IRAK1BP1: variants seen among roughly 807,000 people sequenced by gnomAD.
IRAK1BP1 encodes interleukin-1 receptor-associated kinase 1-binding protein 1.
IRAK1BP1 carries 24 observed loss-of-function variants against 28.0 expected under a neutral mutation model. The ratio of observed to expected loss-of-function variants is 0.86; its 90% confidence interval spans 0.62 to 1.20. IRAK1BP1 has a LOEUF of 1.20. Ranked by LOEUF, IRAK1BP1 falls within the 50% of genes most tolerant of loss-of-function variation. The pLI is 0.00. For synonymous variants in IRAK1BP1, 131 were observed against 116.3 expected (o/e 1.13, Z -0.81); for missense variants, 336 against 316.7 (o/e 1.06, Z -0.46).
downstream of IRAK1BP1, among the ~76,000 whole-genome samples, chr6:78,903,328 CAA>C (rs199955033): frequency 1.5e-5 from 2 of 136,322 alleles, no homozygotes; most frequent in African/African-American, 2.7e-5. Context: ...ACTAAAAATA[CAA>C]AAAAAAAAAA....
At position 78,902,990 on chromosome 6, in the gene IRAK1BP1, A is replaced by G. The variant is rs1287327623; in HGVS notation, c.*4656A>G. ...TTTATCAGAAGGATATTTCTGTTTCAGCAACTCCTGGAATCCTTCTTCAAC... is the reference window on the plus strand; with the variant it reads ...TTTATCAGAAGGATATTTCTGTTTCGGCAACTCCTGGAATCCTTCTTCAAC... On this transcript the variant is annotated 3_prime_UTR_variant, in exon 4 of 4. Coordinates refer to ENST00000369940, the MANE Select transcript of IRAK1BP1 (RefSeq NM_001010844.4). The G allele has an allele frequency of 3.4e-6, 5 of 1,456,352 alleles. No individual in the cohort carries two copies. The highest frequency in any genetic ancestry group is 4.6e-6 in the Non-Finnish European group (5 of 1,075,340). 90.2% of individuals were successfully genotyped at this position (1,456,352 alleles called of 1,614,324 possible).
intron 1 of IRAK1BP1, among the ~76,000 whole-genome samples, chr6:78,880,174 A>G (rs891861912): frequency 4.6e-5 from 7 of 152,242 alleles, no homozygotes; most frequent in African/African-American, 1.2e-4. Context: ...ATGAGTTTTT[A>G]GATACAGAGG....
chr6:78,971,837 G>A, the IRAK1BP1 span, among the ~76,000 whole-genome samples: 405 of 150,444 alleles, frequency 2.7e-3, 3 homozygotes, highest in African/African-American at 5.5e-3. Context: ...AAAAAACGGC[G>A]CACCACGAAA....
chr6:78,932,699 G>T (rs950029080), intron 4 of IRAK1BP1, among the ~76,000 whole-genome samples: 1 of 152,028 alleles, frequency 6.6e-6, no homozygotes, highest in East Asian at 1.9e-4. Flanking sequence ...GATTACAGGC[G>T]TGAGCCACTG....
At chr6:78,968,758 T>A in the IRAK1BP1 span, among the ~76,000 whole-genome samples, 3 of 152,356 alleles carry the variant, frequency 2.0e-5, no homozygotes, top group South Asian at 6.2e-4. Flanking sequence ...ATTTTTTTAA[T>A]GCTTGGTTTT....
At chr6:78,959,285 T>C in the IRAK1BP1 span, among the ~76,000 whole-genome samples, 2 of 152,126 alleles carry the variant, frequency 1.3e-5, no homozygotes, top group Admixed American at 6.6e-5. Context: ...TAGAAAATCT[T>C]ACTGATTGTG....
the IRAK1BP1 span, among the ~76,000 whole-genome samples, chr6:78,972,997 C>T: frequency 6.6e-6 from 1 of 152,006 alleles, no homozygotes; most frequent in African/African-American, 2.4e-5. Flanking sequence ...GCAAGGCAGG[C>T]CAACGTTGAG....
rs1471102640 is a variant in IRAK1BP1 at position 78,897,810 on chromosome 6, C to T, written c.382-19C>T. 12 of 1,602,090 alleles carry T rather than the reference C, an allele frequency of 7.5e-6. No individual in the cohort carries two copies. The highest frequency in any genetic ancestry group is 4.5e-5 in the East Asian group (2 of 44,768). ...AGTACATCAGACATGAAAATAATAT[C>T]GTGTCATTTCATTTACAGGTCTGCA... On this transcript the variant is annotated intron_variant, in intron 2 of 3. Coordinates refer to ENST00000369940, the MANE Select transcript of IRAK1BP1 (RefSeq NM_001010844.4).
Position 78,893,314 on chromosome 6 carries a change from G to GTATATATATATATATA in IRAK1BP1, c.382-4495_382-4480dup, listed in dbSNP as rs60728695. ...TATATGTGTGTGTGTGTGTGTGTGTGTATATATATATATATATATATATAT... is the reference window on the plus strand; with the variant it reads ...TATATGTGTGTGTGTGTGTGTGTGTGTATATATATATATATATATATATATATATATATATATATAT... On this transcript the variant is annotated intron_variant, in intron 2 of 3. Coordinates refer to ENST00000369940, the MANE Select transcript of IRAK1BP1 (RefSeq NM_001010844.4). Among the ~76,000 whole-genome samples the GTATATATATATATATA allele has an allele frequency of 2.2e-3, 229 of 103,344 alleles. 4 individuals carry two copies. Among genetic ancestry groups the GTATATATATATATATA allele is most frequent in the Admixed American group, 3.4e-3 (31 of 9,034 alleles). The allele number at this position is 103,344 out of a possible 152,430, so 67.8% of individuals were successfully genotyped here.
intron 2 of IRAK1BP1, among the ~76,000 whole-genome samples, chr6:78,888,825 A>G (rs564332956): frequency 2.0e-5 from 3 of 152,206 alleles, no homozygotes; most frequent in South Asian, 4.2e-4. Context: ...TTTTTTTTAA[A>G]GAATAGATGA....
At chr6:78,971,555 C>A in the IRAK1BP1 span, among the ~76,000 whole-genome samples, 3 of 152,180 alleles carry the variant, frequency 2.0e-5, no homozygotes, top group Non-Finnish European at 4.4e-5. Context: ...CAGCTCCGGT[C>A]TACAGCTCCC....
At chr6:78,939,479 A>G (rs1430746473) in intron 4 of IRAK1BP1, 3 of 151,898 alleles carry the variant, frequency 2.0e-5, no homozygotes, top group Non-Finnish European at 4.4e-5. Context: ...TTTCCCCCTT[A>G]AAATTAAACT....
Position 78,900,638 on chromosome 6 carries a change from A to T in IRAK1BP1, c.*2304A>T, listed in dbSNP as rs2127656368. The T allele has an allele frequency of 6.6e-6, 1 of 152,270 alleles. No homozygotes were observed. The allele number at this position is 152,270 out of a possible 1,614,324, so 9.4% of individuals were successfully genotyped here. A position where few individuals can be genotyped will look rare whatever the true frequency, so the allele number is the denominator to read the frequency against. On this transcript the variant is annotated 3_prime_UTR_variant, in exon 4 of 4. Coordinates refer to ENST00000369940, the MANE Select transcript of IRAK1BP1 (RefSeq NM_001010844.4). ...CCCCAGAGGTAGTCTCAGGGCCAAT[A>T]TCAAGTATGCTCTCAAATATTTGCT... is the stretch of plus-strand genomic sequence containing the variant.
intron 4 of IRAK1BP1, among the ~76,000 whole-genome samples, chr6:78,930,900 CA>C (rs1352055970): frequency 6.6e-6 from 1 of 151,894 alleles, no homozygotes; most frequent in African/African-American, 2.4e-5. Flanking sequence ...CACTGCACTC[CA>C]GCCTGGGCAA....
intron 4 of IRAK1BP1, among the ~76,000 whole-genome samples, chr6:78,926,154 TAAAA>T (rs1396320920): frequency 2.0e-5 from 3 of 152,048 alleles, no homozygotes; most frequent in African/African-American, 7.2e-5. Flanking sequence ...TGGCTATTAC[TAAAA>T]AGTCAAAAAA....
At chr6:78,917,438 C>A (rs147723868) in intron 4 of IRAK1BP1, among the ~76,000 whole-genome samples, 3 of 152,012 alleles carry the variant, frequency 2.0e-5, no homozygotes, top group Admixed American at 2.0e-4. Flanking sequence ...ACCAAACCTA[C>A]AAATTGTTGG....
rs934231279 is a variant in IRAK1BP1 at position 78,902,985 on chromosome 6, GT to G, written c.*4654del. 9 of 1,417,380 alleles carry G rather than the reference GT, an allele frequency of 6.3e-6. No individual in the cohort carries two copies. The East Asian group carries it at 7.4e-5, about 12-fold the overall frequency. The allele number at this position is 1,417,380 out of a possible 1,614,324, so 87.8% of individuals were successfully genotyped here. A position where few individuals can be genotyped will look rare whatever the true frequency, so the allele number is the denominator to read the frequency against. On this transcript the variant is annotated 3_prime_UTR_variant, in exon 4 of 4. Coordinates refer to ENST00000369940, the MANE Select transcript of IRAK1BP1 (RefSeq NM_001010844.4). ...ACCTGTTTATCAGAAGGATATTTCT[GT>G]TTCAGCAACTCCTGGAATCCTTCTT...
In IRAK1BP1 at chr6:78,897,863, A is replaced by G; in HGVS notation, c.416A>G (p.Gln139Arg). The part of the protein sequence containing the change: ...CITFTEFGKM[Q>R]NICNFLVEKL... ...ACATTTACTGAATTTGGAAAAATGC[A>G]AAATATTTGTAACTTTCTTGTTGAA... Residue 139 changes from glutamine (Q) to arginine (R), a missense_variant, in exon 3 of 4, where the codon CAA (glutamine) becomes CGA (arginine). Coordinates refer to ENST00000369940, the MANE Select transcript of IRAK1BP1 (RefSeq NM_001010844.4). The G allele has an allele frequency of 1.2e-6, 2 of 1,613,628 alleles. No individual in the cohort carries two copies. The highest frequency in any genetic ancestry group is 1.7e-6 in the Non-Finnish European group (2 of 1,179,650).
rs554252985 is a variant in IRAK1BP1 at position 78,897,959 on chromosome 6, G to T, written c.512G>T (p.Arg171Leu). Residue 171 changes from arginine (R) to leucine (L), a missense_variant and splice_region_variant, in exon 3 of 4, where the codon CGA becomes CTA. Arg to Leu is a moderately radical substitution (Grantham distance 102). Coordinates refer to ENST00000369940, the MANE Select transcript of IRAK1BP1 (RefSeq NM_001010844.4). ...ACTCCAGGTTCTGTTGAGAATCTTC[G>T]GTAAGTTTAAGCACATCTTTAACTA... ...YHTPGSVENL[R>L]RQACLVAVEN... 3.1e-6 allele frequency: 5 copies of T among 1,613,506 alleles called. No homozygotes were observed. The highest frequency in any genetic ancestry group is 4.2e-6 in the Non-Finnish European group (5 of 1,179,788).
Sources: allele counts gnomAD v4.1 joint callset (sites outside exome capture counted in the v4.1 genomes callset), GRCh38; gene constraint gnomAD v4.1.1; transcripts MANE v1.5; gene names NCBI Gene and HGNC (gene_info 2026-07-23, HGNC 2026-07-21).